CDK1: variants seen among roughly 807,000 people sequenced by gnomAD.
CDK1 encodes cyclin-dependent kinase 1.
Under a neutral mutation model 34.6 loss-of-function variants are expected in CDK1, and 5 were observed. The ratio of observed to expected loss-of-function variants is 0.14; its 90% CI spans 0.08 to 0.30. The LOEUF (loss-of-function observed/expected upper bound fraction) is 0.30. Ranked by LOEUF, CDK1 falls within the 10% of genes least tolerant of loss-of-function variation. The probability of loss-of-function intolerance (pLI) is 1.00; values close to 1 mark genes in which losing one functional copy is unlikely to be tolerated. For synonymous variants in CDK1, 108 were observed against 114.7 expected (o/e 0.94, Z 0.37); for missense variants, 157 against 345.7 (o/e 0.45, Z 4.33).
At position 60,785,595 on chromosome 10, in the gene CDK1, G is replaced by C. The variant is rs190179106; in HGVS notation, c.195-69G>C. Reference sequence around the variant, plus strand: ...TATAGCAACTGAAATTATGGAAGGAGTTTTATTTTGTGAAACAGAGGTCAA... The same window carrying C: ...TATAGCAACTGAAATTATGGAAGGACTTTTATTTTGTGAAACAGAGGTCAA... On this transcript the variant is annotated intron_variant, in intron 3 of 7. Coordinates refer to ENST00000395284, the MANE Select transcript of CDK1 (RefSeq NM_001786.5). 7.3e-5 allele frequency: 69 copies of C among 938,846 alleles called. No individual in the cohort carries two copies. In the African/African-American group the frequency reaches 1.0e-3, roughly 14 times the overall value. 58.2% of individuals were successfully genotyped at this position (938,846 alleles called of 1,614,324 possible).
rs1022811070 is a variant in CDK1 at position 60,786,839 on chromosome 10, G to A, written c.318+1052G>A. 4.4e-4 allele frequency: 418 copies of A among 960,158 alleles called. 1 individual carries two copies. The highest frequency in any genetic ancestry group is 4.9e-4 in the Admixed American group (8 of 16,180). 59.5% of individuals were successfully genotyped at this position (960,158 alleles called of 1,614,324 possible). A position where few individuals can be genotyped will look rare whatever the true frequency, so the allele number is the denominator to read the frequency against. On this transcript the variant is annotated intron_variant, in intron 4 of 7. Coordinates refer to ENST00000395284, the MANE Select transcript of CDK1 (RefSeq NM_001786.5). Reference sequence around the variant, plus strand: ...GCTATTATAAACCGCCTATATTTTCGTTAGGATACGTTCTTTAACAATCTT... The same window carrying A: ...GCTATTATAAACCGCCTATATTTTCATTAGGATACGTTCTTTAACAATCTT...
In CDK1 at chr10:60,787,328, G is replaced by T. The variant is rs182550059; in HGVS notation, c.319-732G>T. ...GGCTACGCTTAGCTACGTTTGGTAG[G>T]TTAGGTGTGTTCAATGCATTTCGAC... is the stretch of plus-strand genomic sequence containing the variant. On this transcript the variant is annotated intron_variant, in intron 4 of 7. Coordinates refer to ENST00000395284, the MANE Select transcript of CDK1 (RefSeq NM_001786.5). Among the ~76,000 whole-genome samples, 191 of 152,202 alleles carry T rather than the reference G, an allele frequency of 1.3e-3. No individual in the cohort carries two copies. The Middle Eastern group carries it at 0.02, about 16-fold the overall frequency.
At chr10:60,791,675 A>G (rs1030798879) in intron 5 of CDK1, among the ~76,000 whole-genome samples, 4 of 152,224 alleles carry the variant, frequency 2.6e-5, no homozygotes, top group Non-Finnish European at 5.9e-5. Flanking sequence ...GCAAAAAAAT[A>G]TTTATTATGC....
chr10:60,778,581 T>G lies in CDK1; in HGVS notation c.-26+11T>G, dbSNP rs1189450698. 2 of 152,050 alleles carry G rather than the reference T, an allele frequency of 1.3e-5. No individual in the cohort carries two copies. The highest frequency in any genetic ancestry group is 2.9e-5 in the Non-Finnish European group (2 of 68,080). The allele number at this position is 152,050 out of a possible 1,614,324, so 9.4% of individuals were successfully genotyped here. A position where few individuals can be genotyped will look rare whatever the true frequency, so the allele number is the denominator to read the frequency against. Reference sequence around the variant, plus strand: ...GGAATAATAAGCCGGGTACAGTGGCTGGGGTCAGGGTCGTGTCTAGGGGAC... The same window carrying G: ...GGAATAATAAGCCGGGTACAGTGGCGGGGGTCAGGGTCGTGTCTAGGGGAC... On this transcript the variant is annotated intron_variant, in intron 1 of 7. Transcript: ENST00000395284.
chr10:60,786,195 A>G (rs576522753), intron 4 of CDK1: 7 of 900,138 alleles, frequency 7.8e-6, no homozygotes, highest in East Asian at 1.2e-4. Flanking sequence ...ATAAAATTGT[A>G]TAGTTTTAAG....
At chr10:60,792,766 G>A (rs1434104216) in intron 7 of CDK1, among the ~76,000 whole-genome samples, 1 of 151,896 alleles carries the variant, frequency 6.6e-6, no homozygotes, top group Non-Finnish European at 1.5e-5. Context: ...ATTGGTCTTC[G>A]GGTTACTTTC....
chr10:60,794,137 T>C lies in CDK1; in HGVS notation c.*162T>C. On this transcript the variant is annotated 3_prime_UTR_variant, in exon 8 of 8. Transcript: ENST00000395284. ...ATAACTTAAAAATGTAAATATTCTA[T>C]ATGAATTTAAATATAATTCTGTAAA... The C allele has an allele frequency of 2.2e-6, 1 of 454,848 alleles. No individual in the cohort carries two copies. The highest frequency in any genetic ancestry group is 4.4e-5 in the South Asian group (1 of 22,528). 28.2% of individuals were successfully genotyped at this position (454,848 alleles called of 1,614,324 possible).
intron 5 of CDK1, among the ~76,000 whole-genome samples, chr10:60,788,567 T>A (rs933743493): frequency 2.0e-5 from 3 of 152,138 alleles, no homozygotes; most frequent in African/African-American, 7.2e-5. Flanking sequence ...ACTTTAATTC[T>A]TTATATTAAA....
Position 60,785,657 on chromosome 10 carries a change from T to C in CDK1, c.195-7T>C, listed in dbSNP as rs370521219. 145 of 1,551,576 alleles carry C rather than the reference T, an allele frequency of 9.3e-5. No homozygotes were observed. The African/African-American group carries it at 1.8e-3, about 19-fold the overall frequency. On this transcript the variant is annotated splice_region_variant and splice_polypyrimidine_tract_variant and intron_variant, in intron 3 of 7. Coordinates refer to ENST00000395284, the MANE Select transcript of CDK1 (RefSeq NM_001786.5). ...GGATTCTTCTCTCATATATTTTTTT[T>C]CCCCAGTCTTCAGGATGTGCTTATG... is the stretch of plus-strand genomic sequence containing the variant.
In CDK1 at chr10:60,788,201, G is replaced by T; in HGVS notation, c.460G>T (p.Gly154Ter). ...TGATTTTGGCCTTGCCAGAGCTTTT[G>T]GAATACCTATCAGAGTATATACACA... ...LADFGLARAF[G>*]IPIRVYTHEV... Residue 154 changes from glycine to a stop codon, truncating the protein, a stop_gained, in exon 5 of 8, where the codon GGA becomes TGA. Coordinates refer to ENST00000395284, the MANE Select transcript of CDK1 (RefSeq NM_001786.5). LOFTEE classifies it high-confidence loss of function. The T allele has an allele frequency of 6.2e-7, 1 of 1,611,224 alleles. No individual in the cohort carries two copies. Among genetic ancestry groups the T allele is most frequent in the South Asian group, 1.1e-5 (1 of 90,556 alleles).
intron 4 of CDK1, chr10:60,786,934 G>T: frequency 1.0e-6 from 1 of 980,384 alleles, no homozygotes. Flanking sequence ...GAATGTATTA[G>T]AATAATACAT....
At chr10:60,787,660 CAAG>C (rs1347725750) in intron 4 of CDK1, 1 of 130,868 alleles carries the variant, frequency 7.6e-6, no homozygotes, top group Non-Finnish European at 1.6e-5. Flanking sequence ...CTAATTTTTT[CAAG>C]AAGGAAATGA....
chr10:60,792,421 T>C (rs1222985129), intron 7 of CDK1, 132 bp downstream of exon 7: 11 of 671,780 alleles, frequency 1.6e-5, no homozygotes, highest in Admixed American at 1.4e-4. Context: ...CATTGTATTA[T>C]ACTAGCTTCA....
Position 60,780,310 on chromosome 10 carries a change from T to G in CDK1, c.37+108T>G, listed in dbSNP as rs561291417. On this transcript the variant is annotated intron_variant, in intron 2 of 7. Transcript: ENST00000395284. ...ATTAAAATTCAACCATTAAGTTGTC[T>G]TGTAGTACCAGTGTGCATTAACATA... 4.2e-4 allele frequency: 291 copies of G among 690,298 alleles called. 3 individuals carry two copies. In the South Asian group the frequency reaches 4.5e-3, roughly 11 times the overall value. The allele number at this position is 690,298 out of a possible 1,614,324, so 42.8% of individuals were successfully genotyped here.
chr10:60,785,668 C>A lies in CDK1; in HGVS notation c.199C>A (p.Gln67Lys). Residue 67 changes from glutamine to lysine, a missense_variant, in exon 4 of 8, where the codon CAG becomes AAG. Transcript: ENST00000395284. Reference sequence around the variant, plus strand: ...TCATATATTTTTTTTCCCCAGTCTTCAGGATGTGCTTATGCAGGATTCCAG... The same window carrying A: ...TCATATATTTTTTTTCCCCAGTCTTAAGGATGTGCTTATGCAGGATTCCAG... Reference protein sequence around the residue: ...ELRHPNIVSLQDVLMQDSRLY... With the variant: ...ELRHPNIVSLKDVLMQDSRLY... 6.3e-7 allele frequency: 1 copy of A among 1,586,490 alleles called. No homozygotes were observed. Among genetic ancestry groups the A allele is most frequent in the South Asian group, 1.2e-5 (1 of 85,820 alleles).
At chr10:60,785,321 G>A (rs2080306528) in intron 3 of CDK1, among the ~76,000 whole-genome samples, 3 of 152,176 alleles carry the variant, frequency 2.0e-5, no homozygotes, top group Admixed American at 2.0e-4. Flanking sequence ...GCTGGGGCTA[G>A]AGATTGGAAG....
chr10:60,792,147 G>C lies in CDK1; in HGVS notation c.654-1G>C. 1 of 1,603,116 alleles carries C rather than the reference G, an allele frequency of 6.2e-7. No individual in the cohort carries two copies. Among genetic ancestry groups the C allele is most frequent in the Non-Finnish European group, 8.5e-7 (1 of 1,176,434 alleles). On this transcript the variant is annotated splice_acceptor_variant, in intron 6 of 7. Transcript: ENST00000395284. LOFTEE classifies it high-confidence loss of function. ...GAAATTTTTAATTTCCTGTTTTTTA[G>C]AGCTTTGGGCACTCCCAATAATGAA...
chr10:60,782,954 A>C (rs1170740305), intron 2 of CDK1, among the ~76,000 whole-genome samples: 2 of 152,186 alleles, frequency 1.3e-5, no homozygotes, highest in Admixed American at 1.3e-4. Flanking sequence ...AAAATTATTT[A>C]GGATTAGATG....
chr10:60,785,513 A>G (rs772751982), intron 3 of CDK1, 151 bp from the exon 4 acceptor site: 2 of 560,708 alleles, frequency 3.6e-6, no homozygotes, highest in Non-Finnish European at 6.4e-6. Flanking sequence ...CCTTTCTTAA[A>G]TTTGAGTTTT....
Sources: gnomAD v4.1 joint callset for allele counts (sites outside exome capture counted in the v4.1 genomes callset) on GRCh38, gnomAD v4.1.1 for gene constraint, MANE v1.5 for transcripts, NCBI Gene and HGNC (gene_info 2026-07-23, HGNC 2026-07-21) for gene names.